EPSTI1: variants seen among roughly 807,000 people sequenced by gnomAD.
EPSTI1 encodes epithelial-stromal interaction protein 1.
Under a neutral mutation model 49.9 loss-of-function variants are expected in EPSTI1, and 66 were observed. The ratio of observed to expected loss-of-function variants is 1.32; its 90% CI spans 1.08 to 1.62. The LOEUF (loss-of-function observed/expected upper bound fraction) is 1.62. Among genes scored for constraint, EPSTI1 ranks in the 40% most tolerant of loss-of-function variants. The pLI is 0.00. For synonymous variants in EPSTI1, 137 were observed against 130.7 expected (o/e 1.05, Z -0.33); for missense variants, 394 against 365.5 (o/e 1.08, Z -0.64).
chr13:42,963,266 G>A lies in EPSTI1; in HGVS notation c.478C>T (p.Gln160Ter), dbSNP rs759084129. 1 of 1,613,146 alleles carries A rather than the reference G, an allele frequency of 6.2e-7. No individual in the cohort carries two copies. Among genetic ancestry groups the A allele is most frequent in the South Asian group, 1.1e-5 (1 of 90,976 alleles). ...CTCCTCCTCCTTACCTTCTCTCTCT[G>A]AATTGCCTTCATTTTTTGGAGTTCA... ...EAELQKMKAI[Q>*]REKSNKLEEK... is the part of the protein sequence containing the mutation. The change falls in exon 5 of 11, where the codon CAG becomes TAG. Residue 160 changes from glutamine to a stop codon, truncating the protein, a stop_gained. Coordinates refer to ENST00000313624, the MANE Select transcript of EPSTI1 (RefSeq NM_033255.5). LOFTEE classifies it high-confidence loss of function.
Position 42,969,076 on chromosome 13 carries a change from G to A in EPSTI1, c.331+18C>T. Reference sequence around the variant, plus strand: ...GGCCCCGCCCTCCCTCATTCCGGCAGCGGCTGTGCTTGCTTACCTAGCCGT... The same window carrying A: ...GGCCCCGCCCTCCCTCATTCCGGCAACGGCTGTGCTTGCTTACCTAGCCGT... On this transcript the variant is annotated intron_variant, in intron 3 of 10. Coordinates refer to ENST00000313624, the MANE Select transcript of EPSTI1 (RefSeq NM_033255.5). 8 of 1,613,772 alleles carry A rather than the reference G, an allele frequency of 5.0e-6. No homozygotes were observed. The highest frequency in any genetic ancestry group is 6.8e-6 in the Non-Finnish European group (8 of 1,179,810).
At chr13:42,943,512 A>G (rs1478205523) in intron 6 of EPSTI1, among the ~76,000 whole-genome samples, 1 of 152,204 alleles carries the variant, frequency 6.6e-6, no homozygotes. Context: ...CGAGGCCCCA[A>G]GAGGTTAAAT....
intron 3 of EPSTI1, among the ~76,000 whole-genome samples, chr13:42,964,649 C>T (rs2039554965): frequency 6.6e-6 from 1 of 152,178 alleles, no homozygotes; most frequent in Non-Finnish European, 1.5e-5. Flanking sequence ...CTTTATAACC[C>T]AGTTTCTAAA....
rs1594737816 is a variant in EPSTI1, at chr13:42,963,303, T to C, written c.441A>G (p.Glu147=). The C allele has an allele frequency of 1.9e-6, 3 of 1,613,648 alleles. No homozygotes were observed. Among genetic ancestry groups the C allele is most frequent in the Non-Finnish European group, 2.5e-6 (3 of 1,179,910 alleles). Reference sequence around the variant, plus strand: ...TTTTTTGGAGTTCAGCTTCTTCAGCTTCCTTCTTGATTCTTACAGATTCTT... The same window carrying C: ...TTTTTTGGAGTTCAGCTTCTTCAGCCTCCTTCTTGATTCTTACAGATTCTT... ...KREESVRIKK[E]AEEAELQKMK... is the part of the protein sequence containing the mutation. The change falls in exon 5 of 11, where the codon GAA becomes GAG. Residue 147 remains glutamate (E), a synonymous_variant. Coordinates refer to ENST00000313624, the MANE Select transcript of EPSTI1 (RefSeq NM_033255.5).
At position 42,922,876 on chromosome 13, in the gene EPSTI1, T is replaced by C. The variant is rs17063862; in HGVS notation, c.657+3460A>G. On this transcript the variant is annotated intron_variant, in intron 7 of 10. Transcript: ENST00000313624. The surrounding 1 kb of genome is among the most constrained non-coding windows in gnomAD (Gnocchi z 4.8). ...CATTAACGTGCACACACATCTTCCA[T>C]GGACTGTATTAAATACAAGCTCTGA... 0.018 allele frequency among the ~76,000 whole-genome samples: 2,672 copies of C among 152,314 alleles called. 76 individuals are homozygous for C. Among genetic ancestry groups the C allele is most frequent in the African/African-American group, 0.06 (2,514 of 41,570 alleles).
At chr13:42,969,656 T>C (rs78159096) in intron 2 of EPSTI1, 3,504 of 171,502 alleles carry the variant, frequency 0.02, 133 homozygotes, top group African/African-American at 0.08. Flanking sequence ...GGCTCGGTGC[T>C]ACAGGTGGAG....
intron 6 of EPSTI1, among the ~76,000 whole-genome samples, chr13:42,942,658 C>CTTTTTTTT (rs1161224574): frequency 5.1e-4 from 33 of 64,650 alleles, no homozygotes; most frequent in Non-Finnish European, 6.7e-4. Context: ...CCTGTTGATT[C>CTTTTTTTT]TTTTTTTTTT....
intron 6 of EPSTI1, among the ~76,000 whole-genome samples, chr13:42,945,983 G>A (rs999000607): frequency 2.0e-5 from 3 of 152,124 alleles, no homozygotes; most frequent in African/African-American, 4.8e-5. Context: ...TTATGAATAG[G>A]ATGACTTTCT....
At chr13:42,989,681 C>A (rs954116602) in intron 1 of EPSTI1, among the ~76,000 whole-genome samples, 3 of 149,738 alleles carry the variant, frequency 2.0e-5, no homozygotes, top group Non-Finnish European at 3.0e-5. Flanking sequence ...GCAAGCTCTG[C>A]CTCCCGGGTT....
At chr13:42,908,102 A>G (rs1205268961) in intron 8 of EPSTI1, among the ~76,000 whole-genome samples, 1 of 152,256 alleles carries the variant, frequency 6.6e-6, no homozygotes. Flanking sequence ...TCAATTTGAC[A>G]GTTTTCACAA....
chr13:42,964,845 A>G (rs2039559777), intron 3 of EPSTI1, among the ~76,000 whole-genome samples: 1 of 152,222 alleles, frequency 6.6e-6, no homozygotes, highest in African/African-American at 2.4e-5. Context: ...CATTTAGGGA[A>G]TTCTCAGTGT....
chr13:42,987,478 G>A (rs934958907), intron 1 of EPSTI1, among the ~76,000 whole-genome samples: 12 of 152,132 alleles, frequency 7.9e-5, no homozygotes, highest in African/African-American at 2.9e-4. Flanking sequence ...GTCCAGCCCA[G>A]GGCCCACAAG....
At position 42,922,455 on chromosome 13, in the gene EPSTI1, A is replaced by AT. The variant is rs1398761533; in HGVS notation, c.657+3880dup. On this transcript the variant is annotated intron_variant, in intron 7 of 10. Transcript: ENST00000313624. This position sits in a 1 kb window ranked among gnomAD's most constrained non-coding sequence, Gnocchi z 4.8. ...GTGAGATGGAAGCTAAACTGGAGCC[A>AT]TGCAGCCGTGTGCCAAGGGTTTGCG... Among the ~76,000 whole-genome samples, 40 of 152,308 alleles carry AT rather than the reference A, an allele frequency of 2.6e-4. No individual in the cohort carries two copies. The highest frequency in any genetic ancestry group is 9.4e-4 in the African/African-American group (39 of 41,562).
chr13:42,915,986 A>T (rs2037819046), intron 8 of EPSTI1, among the ~76,000 whole-genome samples: 1 of 152,138 alleles, frequency 6.6e-6, no homozygotes, highest in African/African-American at 2.4e-5. Context: ...TTTTAAAAAC[A>T]CTATTTAAAA....
intron 6 of EPSTI1, among the ~76,000 whole-genome samples, chr13:42,947,033 TA>T (rs1395328602): frequency 6.6e-6 from 1 of 152,096 alleles, no homozygotes; most frequent in African/African-American, 2.4e-5. Context: ...CACAGATAAG[TA>T]AAACACTACT....
intron 1 of EPSTI1, among the ~76,000 whole-genome samples, chr13:42,974,458 C>T (rs1326001685): frequency 2.0e-5 from 3 of 152,170 alleles, no homozygotes; most frequent in African/African-American, 7.2e-5. Context: ...GAGATTGAGA[C>T]CATCCTGGCT....
At chr13:42,910,112 A>C (rs1312248918) in intron 8 of EPSTI1, among the ~76,000 whole-genome samples, 2 of 152,092 alleles carry the variant, frequency 1.3e-5, no homozygotes, top group African/African-American at 4.8e-5. Context: ...ATTCCAGGAA[A>C]GTTTTTAATT....
intron 6 of EPSTI1, among the ~76,000 whole-genome samples, chr13:42,944,606 C>T (rs575873908): frequency 2.7e-4 from 41 of 152,106 alleles, no homozygotes; most frequent in Non-Finnish European, 5.4e-4. Context: ...CACCGTGGCA[C>T]GTGTATACCT....
intron 6 of EPSTI1, among the ~76,000 whole-genome samples, chr13:42,938,914 C>A (rs867594235): frequency 2.7e-3 from 162 of 59,636 alleles, no homozygotes; most frequent in South Asian, 5.3e-3. Context: ...GACTCTGTCT[C>A]AAAAAAAAAA....
Sources: allele counts gnomAD v4.1 joint callset (sites outside exome capture counted in the v4.1 genomes callset), GRCh38; gene constraint gnomAD v4.1.1; non-coding constraint Gnocchi (gnomAD v3.1); transcripts MANE v1.5; gene names NCBI Gene and HGNC (gene_info 2026-07-23, HGNC 2026-07-21).